Variants in TMEM135 observed in about 807,000 individuals in gnomAD.
The protein encoded by TMEM135 is peroxisomal membrane protein 52.
Under a neutral mutation model 60.3 loss-of-function variants are expected in TMEM135, and 30 were observed. The ratio of observed to expected loss-of-function variants is 0.50; its 90% confidence interval spans 0.37 to 0.68. The LOEUF (loss-of-function observed/expected upper bound fraction) is 0.68, where lower values mean the gene tolerates loss of function less well. Among genes scored for constraint, TMEM135 ranks in the 30% least tolerant of loss-of-function variants. The pLI is 0.00. For synonymous variants in TMEM135, 190 were observed against 186.7 expected, an observed-to-expected ratio of 1.02 and a Z score of -0.14; for missense variants, 468 against 548.8, an observed-to-expected ratio of 0.85 and a Z score of 1.47.
At chr11:87,175,862 A>C (rs565869) in intron 5 of TMEM135, among the ~76,000 whole-genome samples, 55,919 of 148,920 alleles carry the variant, frequency 0.38, 10,997 homozygotes, top group East Asian at 0.67. Flanking sequence ...GATTTTAGAT[A>C]TATAGAAAAT....
intron 1 of TMEM135, among the ~76,000 whole-genome samples, chr11:87,058,616 CTTATTTTATT>C (rs1051652841): frequency 1.3e-5 from 2 of 151,776 alleles, no homozygotes; most frequent in African/African-American, 4.8e-5. Flanking sequence ...AAAACAAGGT[CTTATTTTATT>C]TTATTTTATT....
chr11:87,058,344 A>ATTATTT (rs538181604), intron 1 of TMEM135, among the ~76,000 whole-genome samples: 11 of 151,564 alleles, frequency 7.3e-5, no homozygotes, highest in African/African-American at 2.7e-4. Context: ...TATTATTATT[A>ATTATTT]TTTTTTTGAC....
At position 87,324,153 on chromosome 11, in the gene TMEM135, A is replaced by T. The variant is rs1346291963; in HGVS notation, c.*2820A>T. On this transcript the variant is annotated 3_prime_UTR_variant, in exon 15 of 15. Coordinates refer to ENST00000305494, the MANE Select transcript of TMEM135 (RefSeq NM_022918.4). ...TTGTATCTAGGCTAACATTTCATTT[A>T]GTTGTTAATGCTGACGTAATTGTTT... 4.4e-6 allele frequency: 2 copies of T among 454,046 alleles called. No individual in the cohort carries two copies. Among genetic ancestry groups the T allele is most frequent in the South Asian group, 3.1e-5 (2 of 64,476 alleles). 28.1% of individuals were successfully genotyped at this position (454,046 alleles called of 1,614,324 possible). A position where few individuals can be genotyped will look rare whatever the true frequency, so the allele number is the denominator to read the frequency against.
chr11:87,143,235 AT>A (rs931394177), intron 4 of TMEM135, among the ~76,000 whole-genome samples: 1 of 152,074 alleles, frequency 6.6e-6, no homozygotes, highest in Non-Finnish European at 1.5e-5. Context: ...ATTGCCAAGA[AT>A]TTTTTGAACA....
chr11:87,327,497 G>C lies in TMEM135; in HGVS notation c.*6164G>C, dbSNP rs746962162. On this transcript the variant is annotated 3_prime_UTR_variant, in exon 15 of 15. Coordinates refer to ENST00000305494, the MANE Select transcript of TMEM135 (RefSeq NM_022918.4). ...GTTCTGTATCAGTCAGGGTTTCCCAGAGAGGCAGAACAATAGGGATAGAGA... is the reference window on the plus strand; with the variant it reads ...GTTCTGTATCAGTCAGGGTTTCCCACAGAGGCAGAACAATAGGGATAGAGA... 2.2e-6 allele frequency: 1 copy of C among 453,984 alleles called. No homozygotes were observed. The highest frequency in any genetic ancestry group is 1.6e-5 in the South Asian group (1 of 64,442). The allele number at this position is 453,984 out of a possible 1,614,324, so 28.1% of individuals were successfully genotyped here.
At chr11:87,080,405 T>A (rs1856965175) in intron 3 of TMEM135, among the ~76,000 whole-genome samples, 1 of 152,140 alleles carries the variant, frequency 6.6e-6, no homozygotes. Flanking sequence ...ATGGAACAAA[T>A]CTCTCCTTGT....
intron 4 of TMEM135, among the ~76,000 whole-genome samples, chr11:87,156,031 A>G (rs1470501475): frequency 3.9e-5 from 6 of 152,206 alleles, no homozygotes; most frequent in Non-Finnish European, 8.8e-5. Flanking sequence ...ATGCTTAATT[A>G]TAACTATATT....
At chr11:87,292,397 C>G (rs1478037969) in intron 6 of TMEM135, among the ~76,000 whole-genome samples, 2 of 152,130 alleles carry the variant, frequency 1.3e-5, no homozygotes, top group Non-Finnish European at 2.9e-5. Flanking sequence ...AGTGCTTATA[C>G]ATAGTGGCCA....
In TMEM135 at chr11:87,111,095, C is replaced by G. The variant is rs1857732595; in HGVS notation, c.396+19700C>G. ...TTAAAATGTAGTTTCCTAAACATAG[C>G]TATAGAGTATATGTAGAAGCTTAGG... On this transcript the variant is annotated intron_variant, in intron 4 of 14. Transcript: ENST00000305494. 3.3e-5 allele frequency among the ~76,000 whole-genome samples: 5 copies of G among 152,106 alleles called. No individual in the cohort carries two copies. In the South Asian group the frequency reaches 1.0e-3, roughly 32 times the overall value.
In TMEM135 at chr11:87,276,665, A is replaced by ATT. The variant is rs11340916; in HGVS notation, c.510-19097_510-19096dup. On this transcript the variant is annotated intron_variant, in intron 6 of 14. Coordinates refer to ENST00000305494, the MANE Select transcript of TMEM135 (RefSeq NM_022918.4). ...AAAACTTCTTTTAGTGTGTTTGTGA[A>ATT]TTTTTTTTTTTTTTTTTTTTTGAGA... Among the ~76,000 whole-genome samples, 49 of 115,642 alleles carry ATT rather than the reference A, an allele frequency of 4.2e-4. 1 individual carries two copies. The highest frequency in any genetic ancestry group is 5.3e-3 in the Middle Eastern group (1 of 188). The allele number at this position is 115,642 out of a possible 152,430, so 75.9% of individuals were successfully genotyped here.
chr11:87,098,846 G>A lies in TMEM135; in HGVS notation c.396+7451G>A, dbSNP rs1038970349. Among the ~76,000 whole-genome samples, 3 of 151,916 alleles carry A rather than the reference G, an allele frequency of 2.0e-5. No individual in the cohort carries two copies. The South Asian group carries it at 6.2e-4, about 32-fold the overall frequency. On this transcript the variant is annotated intron_variant, in intron 4 of 14. Transcript: ENST00000305494. Reference sequence around the variant, plus strand: ...TGGGACTACAGGCACCCACCACCACGCCCGGCTAATTTTTTGTATTTTAAG... The same window carrying A: ...TGGGACTACAGGCACCCACCACCACACCCGGCTAATTTTTTGTATTTTAAG...
intron 4 of TMEM135, among the ~76,000 whole-genome samples, chr11:87,112,699 C>G (rs73531409): frequency 0.015 from 2,211 of 152,014 alleles, 67 homozygotes; most frequent in African/African-American, 0.051. Flanking sequence ...AGTTTTAAAA[C>G]AATACATTAT....
At chr11:87,306,041 G>T in intron 9 of TMEM135, 36 bp downstream of exon 9, 1 of 1,232,188 alleles carries the variant, frequency 8.1e-7, no homozygotes, top group South Asian at 1.6e-5. Flanking sequence ...ATTAACAGTA[G>T]GGAATGGGTA....
chr11:87,293,103 A>T (rs193130667), intron 6 of TMEM135, among the ~76,000 whole-genome samples: 1 of 152,222 alleles, frequency 6.6e-6, no homozygotes, highest in East Asian at 1.9e-4. Context: ...AGACCCCTTA[A>T]CCTGCTTCCT....
At chr11:87,211,353 C>T (rs895901147) in intron 5 of TMEM135, among the ~76,000 whole-genome samples, 1 of 152,140 alleles carries the variant, frequency 6.6e-6, no homozygotes, top group African/African-American at 2.4e-5. Context: ...AATAGCAGAG[C>T]TGTCATTGTG....
At chr11:87,194,402 G>T (rs969061850) in intron 5 of TMEM135, among the ~76,000 whole-genome samples, 1 of 152,126 alleles carries the variant, frequency 6.6e-6, no homozygotes. Context: ...ATCTCAAATC[G>T]TTTAGTGGGC....
chr11:87,103,572 T>C, intron 4 of TMEM135, among the ~76,000 whole-genome samples: 1 of 152,086 alleles, frequency 6.6e-6, no homozygotes, highest in East Asian at 1.9e-4. Context: ...CTTGTAATTG[T>C]GTTAAATCCC....
At chr11:87,120,723 C>T (rs1787676967) in intron 4 of TMEM135, among the ~76,000 whole-genome samples, 1 of 151,858 alleles carries the variant, frequency 6.6e-6, no homozygotes, top group Admixed American at 6.6e-5. Context: ...GCCTCGGCCT[C>T]CCAAAGTGCT....
At chr11:87,130,468 C>T (rs943006390) in intron 4 of TMEM135, among the ~76,000 whole-genome samples, 2 of 152,016 alleles carry the variant, frequency 1.3e-5, no homozygotes, top group African/African-American at 4.8e-5. Context: ...TGACTAATTC[C>T]TGATGTGGAA....
Sources: allele counts gnomAD v4.1 joint callset (sites outside exome capture counted in the v4.1 genomes callset), GRCh38; gene constraint gnomAD v4.1.1; transcripts MANE v1.5; gene names NCBI Gene and HGNC (gene_info 2026-07-23, HGNC 2026-07-21).